The following CDH4 variants were observed in gnomAD, a reference collection of about 807,000 sequenced individuals.
CDH4 encodes the protein cadherin-4.
A neutral mutation model predicts 86.0 loss-of-function variants in CDH4; 33 were observed. The ratio of observed to expected loss-of-function variants is 0.38; its 90% CI spans 0.29 to 0.51. CDH4 has a LOEUF of 0.51. Among genes scored for constraint, CDH4 ranks in the 20% least tolerant of loss-of-function variants. The pLI is 0.86. For synonymous variants in CDH4, 555 were observed against 549.4 expected, an observed-to-expected ratio of 1.01 and a Z score of -0.14; for missense variants, 1,114 against 1,307.4, an observed-to-expected ratio of 0.85 and a Z score of 2.28.
intron 4 of CDH4, among the ~76,000 whole-genome samples, chr20:61,800,872 C>T (rs1979793337): frequency 6.6e-6 from 1 of 152,238 alleles, no homozygotes; most frequent in African/African-American, 2.4e-5. Context: ...TCCTTAGAGC[C>T]CACCAGTGAG....
chr20:61,722,938 G>C (rs193294772), intron 2 of CDH4, among the ~76,000 whole-genome samples: 1 of 152,124 alleles, frequency 6.6e-6, no homozygotes, highest in Non-Finnish European at 1.5e-5. Flanking sequence ...TTCTTTCCTC[G>C]TGCTCTTTAG....
intron 2 of CDH4, among the ~76,000 whole-genome samples, chr20:61,541,632 A>G (rs2086040219): frequency 1.3e-5 from 2 of 152,220 alleles, no homozygotes; most frequent in African/African-American, 4.8e-5. Context: ...CTCCAGAAGC[A>G]TCCCGGTGGA....
At chr20:61,772,278 G>GCCCACTGACTCCCATCAGCCTCCA (rs1276126598) in intron 3 of CDH4, among the ~76,000 whole-genome samples, 11 of 151,824 alleles carry the variant, frequency 7.2e-5, no homozygotes, top group African/African-American at 1.7e-4. Context: ...GTCAGCCTCC[G>GCCCACTGACTCCCATCAGCCTCCA]CCCACTGACT....
intron 2 of CDH4, among the ~76,000 whole-genome samples, chr20:61,707,906 C>T (rs868544): frequency 0.37 from 56,891 of 152,044 alleles, 12,413 homozygotes; most frequent in East Asian, 0.57. Context: ...GGGAATGTGT[C>T]TGGTGTGTTT....
At chr20:61,827,005 G>A (rs74733058) in intron 4 of CDH4, among the ~76,000 whole-genome samples, 1 of 113,474 alleles carries the variant, frequency 8.8e-6, no homozygotes, top group East Asian at 2.5e-4. Context: ...GTGTGTGTGT[G>A]TGTGTATGTG....
At chr20:61,711,119 G>A (rs13433156) in intron 2 of CDH4, among the ~76,000 whole-genome samples, 4 of 152,304 alleles carry the variant, frequency 2.6e-5, no homozygotes, top group Non-Finnish European at 4.4e-5. Context: ...CTATTCCAGC[G>A]ATAGTGAATG....
chr20:61,769,432 C>T (rs1204241112), intron 3 of CDH4, among the ~76,000 whole-genome samples: 2 of 152,190 alleles, frequency 1.3e-5, no homozygotes, highest in African/African-American at 4.8e-5. Flanking sequence ...CACTGAGACC[C>T]CCTTTTCCCT....
intron 2 of CDH4, among the ~76,000 whole-genome samples, chr20:61,692,183 GTGTC>G (rs922718083): frequency 1.2e-4 from 15 of 128,214 alleles, no homozygotes; most frequent in Middle Eastern, 4.0e-3. Context: ...GTGTTTATAT[GTGTC>G]TGTATATGTT....
At chr20:61,490,218 T>G (rs1376304318) in intron 2 of CDH4, among the ~76,000 whole-genome samples, 2 of 152,178 alleles carry the variant, frequency 1.3e-5, no homozygotes, top group Non-Finnish European at 2.9e-5. Flanking sequence ...ACAGCCCAGG[T>G]GACCCACAAC....
chr20:61,550,255 GCCTCCCTGGCCTCCCTAGCCTA>G (rs1362308568), intron 2 of CDH4, among the ~76,000 whole-genome samples: 1 of 141,990 alleles, frequency 7.0e-6, no homozygotes, highest in East Asian at 2.1e-4. Context: ...TTCCTAGCTT[GCCTCCCTGGCCTCCCTAGCCTA>G]CCTCCCTGGC....
chr20:61,858,315 GTGTCTGTGTC>G (rs1279104953), intron 6 of CDH4, among the ~76,000 whole-genome samples: 109 of 146,400 alleles, frequency 7.4e-4, no homozygotes, highest in Non-Finnish European at 1.0e-3. Flanking sequence ...GTCTGTATGT[GTGTCTGTGTC>G]TGTCTGTGTC....
intron 3 of CDH4, among the ~76,000 whole-genome samples, chr20:61,756,140 G>A (rs1238178600): frequency 6.6e-6 from 1 of 152,218 alleles, no homozygotes; most frequent in Non-Finnish European, 1.5e-5. Flanking sequence ...CATGGAGGAG[G>A]TGCAGGCTTC....
intron 2 of CDH4, among the ~76,000 whole-genome samples, chr20:61,515,831 C>G (rs1229396667): frequency 1.3e-5 from 2 of 152,214 alleles, no homozygotes; most frequent in African/African-American, 2.4e-5. Flanking sequence ...AGCTCGCTCT[C>G]TCTCACTCTG....
chr20:61,404,070 CT>C (rs1240498515), intron 2 of CDH4, among the ~76,000 whole-genome samples: 1 of 152,144 alleles, frequency 6.6e-6, no homozygotes, highest in African/African-American at 2.4e-5. Context: ...GAAAGTACAG[CT>C]TGGACTCCCA....
At chr20:61,850,456 C>T (rs1277614581) in intron 5 of CDH4, among the ~76,000 whole-genome samples, 3 of 152,176 alleles carry the variant, frequency 2.0e-5, no homozygotes, top group Non-Finnish European at 2.9e-5. Context: ...AGGGAACCCA[C>T]ACCCACAATT....
intron 2 of CDH4, among the ~76,000 whole-genome samples, chr20:61,527,636 G>C (rs1418673996): frequency 6.6e-6 from 1 of 152,214 alleles, no homozygotes; most frequent in Non-Finnish European, 1.5e-5. Context: ...CTGAAAGTCT[G>C]TTCTGTTCAA....
chr20:61,793,822 G>A (rs185333976), intron 4 of CDH4, among the ~76,000 whole-genome samples: 3 of 132,616 alleles, frequency 2.3e-5, no homozygotes, highest in Admixed American at 8.3e-5. Flanking sequence ...TTGGGCGACA[G>A]AGTGAGACTG....
At chr20:61,835,637 G>C (rs1475514989) in intron 4 of CDH4, among the ~76,000 whole-genome samples, 4 of 152,234 alleles carry the variant, frequency 2.6e-5, no homozygotes, top group Non-Finnish European at 5.9e-5. Context: ...TTCCCGTGGG[G>C]TGAGGCTGAA....
chr20:61,933,947 C>T, intron 14 of CDH4, 109 bp from the exon 15 acceptor site: 1 of 1,288,322 alleles, frequency 7.8e-7, no homozygotes. Context: ...GACCAGGCCA[C>T]AGGGCAGCAG....
Sources: gnomAD v4.1 joint callset for allele counts (sites outside exome capture counted in the v4.1 genomes callset) on GRCh38, gnomAD v4.1.1 for gene constraint, MANE v1.5 for transcripts, NCBI Gene and HGNC (gene_info 2026-07-23, HGNC 2026-07-21) for gene names.